Variants in SIRPG observed in about 807,000 individuals in gnomAD.
The protein encoded by SIRPG is signal regulatory protein gamma.
Under a neutral mutation model 35.7 loss-of-function variants are expected in SIRPG, and 38 were observed. The observed-to-expected ratio is 1.06, with a 90% CI of 0.82 to 1.40. SIRPG has a LOEUF of 1.40. Among genes scored for constraint, SIRPG ranks in the 40% most tolerant of loss-of-function variants. The pLI is 0.00. For synonymous variants in SIRPG, 215 were observed against 190.4 expected (o/e 1.13, Z -1.06); for missense variants, 519 against 483.0 (o/e 1.07, Z -0.70).
In SIRPG at chr20:1,635,478, G is replaced by A. The variant is rs995061041; in HGVS notation, c.870C>T (p.Asn290=). 58 of 1,613,958 alleles carry A rather than the reference G, an allele frequency of 3.6e-5. No homozygotes were observed. The highest frequency in any genetic ancestry group is 8.0e-5 in the African/African-American group (6 of 74,890). ...SLQLTWSENG[N]VCQRETASTL... is the part of the protein sequence containing the mutation. ...TCGAGGCTGTTTCTCTCTGGCACAC[G>A]TTTCCATTCTCCGACCAGGTCAGCT... Residue 290 remains asparagine (N), a synonymous_variant, in exon 4 of 6, where the codon AAC becomes AAT. Coordinates refer to ENST00000303415, the MANE Select transcript of SIRPG (RefSeq NM_018556.4).
At chr20:1,663,918 A>T in the SIRPG span, among the ~76,000 whole-genome samples, 1 of 152,322 alleles carries the variant, frequency 6.6e-6, no homozygotes, top group African/African-American at 2.4e-5. Flanking sequence ...AGGCTGGGTA[A>T]TTTATAAATA....
At chr20:1,683,319 A>G in the SIRPG span, among the ~76,000 whole-genome samples, 8 of 152,336 alleles carry the variant, frequency 5.3e-5, no homozygotes, top group African/African-American at 1.9e-4. Context: ...TAGTACAGCC[A>G]TTATTGAAAA....
At chr20:1,662,263 T>A (rs926684749), upstream of SIRPG, among the ~76,000 whole-genome samples, 1 of 152,142 alleles carries the variant, frequency 6.6e-6, no homozygotes, top group Non-Finnish European at 1.5e-5. Context: ...ATTGAAGAAT[T>A]TCTTGAGGCT....
intron 4 of SIRPG, 133 bp downstream of exon 4, chr20:1,635,134 A>G (rs531255093): frequency 1.5e-6 from 1 of 668,182 alleles, no homozygotes; most frequent in Non-Finnish European, 2.5e-6. Context: ...CGCATGTGGG[A>G]TTTGGGGGGA....
chr20:1,662,089 T>A (rs1237756367), upstream of SIRPG, among the ~76,000 whole-genome samples: 4 of 152,232 alleles, frequency 2.6e-5, no homozygotes, highest in African/African-American at 7.2e-5. Context: ...GCTGAGCAAA[T>A]CAAAAGTGAC....
chr20:1,651,778 G>A (rs549596972), intron 1 of SIRPG, among the ~76,000 whole-genome samples: 4 of 151,704 alleles, frequency 2.6e-5, no homozygotes, highest in Admixed American at 6.6e-5. Flanking sequence ...GCTATGTGTT[G>A]CCTTTTGGAG....
At chr20:1,642,256 G>A (rs199972093) in intron 2 of SIRPG, among the ~76,000 whole-genome samples, 1 of 152,134 alleles carries the variant, frequency 6.6e-6, no homozygotes, top group Non-Finnish European at 1.5e-5. Flanking sequence ...TAAGAACTTG[G>A]TTTATGAATC....
At chr20:1,646,588 CT>C in intron 2 of SIRPG, 2 of 152,446 alleles carry the variant, frequency 1.3e-5, no homozygotes, top group South Asian at 4.1e-4. Context: ...TCTGCAGAAC[CT>C]TTCTAATGAG....
At chr20:1,658,552 G>C (rs184821131), upstream of SIRPG, among the ~76,000 whole-genome samples, 23 of 152,308 alleles carry the variant, frequency 1.5e-4, no homozygotes, top group African/African-American at 5.1e-4. Context: ...AATGAGGAAA[G>C]AGGAAAAATC....
At chr20:1,664,153 T>G in the SIRPG span, among the ~76,000 whole-genome samples, 5 of 152,226 alleles carry the variant, frequency 3.3e-5, no homozygotes, top group African/African-American at 1.2e-4. Flanking sequence ...CAGTTATTAC[T>G]GCAGACGGCA....
upstream of SIRPG, among the ~76,000 whole-genome samples, chr20:1,658,679 C>T (rs1323935567): frequency 6.6e-6 from 1 of 152,014 alleles, no homozygotes; most frequent in Non-Finnish European, 1.5e-5. Flanking sequence ...GTTTTAGTGA[C>T]GATTAAAGAG....
upstream of SIRPG, among the ~76,000 whole-genome samples, chr20:1,659,868 C>T (rs1346441146): frequency 6.6e-6 from 1 of 152,172 alleles, no homozygotes; most frequent in Non-Finnish European, 1.5e-5. Context: ...CCCTGACAAC[C>T]CATGATCACA....
At chr20:1,656,789 G>A (rs1366424843) in intron 1 of SIRPG, among the ~76,000 whole-genome samples, 2 of 152,186 alleles carry the variant, frequency 1.3e-5, no homozygotes, top group South Asian at 2.1e-4. Context: ...CCCCCAAAAC[G>A]AATGGGTTGA....
chr20:1,672,498 G>A, the SIRPG span, among the ~76,000 whole-genome samples: 1 of 152,130 alleles, frequency 6.6e-6, no homozygotes, highest in Non-Finnish European at 1.5e-5. Context: ...AAGGTACGTG[G>A]GATTTTGATC....
the SIRPG span, among the ~76,000 whole-genome samples, chr20:1,682,488 A>G: frequency 1.3e-5 from 2 of 152,214 alleles, no homozygotes; most frequent in Non-Finnish European, 2.9e-5. Flanking sequence ...AAAACTGTCA[A>G]TGAATTACAT....
chr20:1,637,384 T>A (rs1465119687), intron 2 of SIRPG: 1 of 178,102 alleles, frequency 5.6e-6, no homozygotes, highest in Admixed American at 6.4e-5. Flanking sequence ...CATCCTGGAG[T>A]GTCCTAATTA....
At chr20:1,664,731 T>C in the SIRPG span, among the ~76,000 whole-genome samples, 1 of 152,148 alleles carries the variant, frequency 6.6e-6, no homozygotes, top group Non-Finnish European at 1.5e-5. Flanking sequence ...CCTGTTATGT[T>C]CCCGGTGCTG....
chr20:1,680,532 C>G, the SIRPG span, among the ~76,000 whole-genome samples: 1 of 152,140 alleles, frequency 6.6e-6, no homozygotes, highest in Non-Finnish European at 1.5e-5. Context: ...ATTATTACTG[C>G]TAGGTTTGTT....
At chr20:1,631,217 T>C (rs1641439003) in intron 4 of SIRPG, among the ~76,000 whole-genome samples, 1 of 152,092 alleles carries the variant, frequency 6.6e-6, no homozygotes, top group African/African-American at 2.4e-5. Context: ...AAGGAAGAAA[T>C]GGAGAACTCA....
Sources: allele counts gnomAD v4.1 joint callset (sites outside exome capture counted in the v4.1 genomes callset), GRCh38; gene constraint gnomAD v4.1.1; transcripts MANE v1.5; gene names NCBI Gene and HGNC (gene_info 2026-07-23, HGNC 2026-07-21).